The following REDIC1 variants were observed in gnomAD, a reference collection of about 807,000 sequenced individuals.
The protein encoded by REDIC1 is regulator of DNA class I crossover intermediates 1.
chr12:39,647,904 C>T, the REDIC1 span: 1 of 1,607,022 alleles, frequency 6.2e-7, no homozygotes, highest in Non-Finnish European at 8.5e-7. Flanking sequence ...AGACATATTT[C>T]AAAACTAAAT....
chr12:39,681,869 A>G, the REDIC1 span, among the ~76,000 whole-genome samples: 4 of 152,118 alleles, frequency 2.6e-5, no homozygotes, highest in Admixed American at 2.6e-4. Context: ...AATTTTTTTG[A>G]TAACTCCAAC....
At chr12:39,663,229 G>A in the REDIC1 span, among the ~76,000 whole-genome samples, 2 of 151,880 alleles carry the variant, frequency 1.3e-5, no homozygotes, top group Admixed American at 6.6e-5. Flanking sequence ...AACTCTTATT[G>A]TATTGGTGTC....
At chr12:39,900,692 T>C in the REDIC1 span, among the ~76,000 whole-genome samples, 3 of 151,972 alleles carry the variant, frequency 2.0e-5, no homozygotes, top group East Asian at 5.8e-4. Context: ...TAAAAGAGGA[T>C]ACAAACAAAT....
chr12:39,727,178 G>A, the REDIC1 span, among the ~76,000 whole-genome samples: 13 of 152,090 alleles, frequency 8.5e-5, no homozygotes, highest in Non-Finnish European at 1.5e-4. Flanking sequence ...GTCAATTTTG[G>A]CTTTTGTTGT....
chr12:39,796,460 A>C, the REDIC1 span, among the ~76,000 whole-genome samples: 1 of 151,892 alleles, frequency 6.6e-6, no homozygotes, highest in Middle Eastern at 3.2e-3. Flanking sequence ...CAAACAAAAA[A>C]AGAAATGAGG....
the REDIC1 span, among the ~76,000 whole-genome samples, chr12:39,694,017 G>T: frequency 6.6e-6 from 1 of 152,192 alleles, no homozygotes; most frequent in African/African-American, 2.4e-5. Context: ...ATAGATAGAA[G>T]TTTTAGTTTG....
chr12:39,721,138 C>G, the REDIC1 span: 1 of 1,613,634 alleles, frequency 6.2e-7, no homozygotes, highest in Non-Finnish European at 8.5e-7. Context: ...ACAGTGTGAT[C>G]TAATTTCAAA....
chr12:39,660,098 A>G, the REDIC1 span, among the ~76,000 whole-genome samples: 1 of 152,102 alleles, frequency 6.6e-6, no homozygotes, highest in South Asian at 2.1e-4. Flanking sequence ...CCCCCTAGTG[A>G]GCTCCTGAGA....
the REDIC1 span, among the ~76,000 whole-genome samples, chr12:39,684,474 AAATT>A: frequency 6.6e-6 from 1 of 152,228 alleles, no homozygotes; most frequent in Non-Finnish European, 1.5e-5. Context: ...TTGGCACTAC[AAATT>A]AATTAAAACA....
chr12:39,643,298 C>G, the REDIC1 span, among the ~76,000 whole-genome samples: 1 of 151,386 alleles, frequency 6.6e-6, no homozygotes, highest in Non-Finnish European at 1.5e-5. Context: ...GGAGGGATAA[C>G]AAATAAACGA....
chr12:39,721,249 T>C, the REDIC1 span: 12 of 1,608,442 alleles, frequency 7.5e-6, no homozygotes, highest in Non-Finnish European at 6.8e-6. Context: ...TAAGAACAAC[T>C]AATATTCTAA....
At chr12:39,718,128 G>A in the REDIC1 span, among the ~76,000 whole-genome samples, 1 of 151,880 alleles carries the variant, frequency 6.6e-6, no homozygotes. Context: ...TAACAGTAAT[G>A]GCATGTTCAA....
chr12:39,863,447 T>C, the REDIC1 span, among the ~76,000 whole-genome samples: 2 of 152,202 alleles, frequency 1.3e-5, no homozygotes, highest in African/African-American at 4.8e-5. Context: ...ACAGTATTTC[T>C]GAACAATACA....
At chr12:39,713,448 G>A in the REDIC1 span, among the ~76,000 whole-genome samples, 1 of 140,580 alleles carries the variant, frequency 7.1e-6, no homozygotes, top group Non-Finnish European at 1.6e-5. Flanking sequence ...ATATACATAT[G>A]TATACATACA....
chr12:39,722,089 A>C, the REDIC1 span, among the ~76,000 whole-genome samples: 5 of 152,128 alleles, frequency 3.3e-5, no homozygotes, highest in African/African-American at 1.2e-4. Flanking sequence ...GCATTCTAGT[A>C]TCTAACTGAA....
chr12:39,857,147 G>A, the REDIC1 span, among the ~76,000 whole-genome samples: 1 of 152,068 alleles, frequency 6.6e-6, no homozygotes, highest in East Asian at 1.9e-4. Context: ...CCTTTATCTT[G>A]TTCTGTTATT....
the REDIC1 span, among the ~76,000 whole-genome samples, chr12:39,876,905 C>T: frequency 6.6e-6 from 1 of 152,118 alleles, no homozygotes; most frequent in African/African-American, 2.4e-5. Flanking sequence ...GGACAAGTTA[C>T]ATGAGAAAGT....
the REDIC1 span, among the ~76,000 whole-genome samples, chr12:39,866,826 T>C: frequency 6.6e-6 from 1 of 152,192 alleles, no homozygotes; most frequent in African/African-American, 2.4e-5. Flanking sequence ...GCTATGATTA[T>C]TATTACAAGC....
the REDIC1 span, among the ~76,000 whole-genome samples, chr12:39,872,761 A>G: frequency 2.6e-5 from 4 of 152,324 alleles, no homozygotes; most frequent in Admixed American, 1.3e-4. Context: ...TTTAAAGTTA[A>G]CCTGAAAACA....
Sources: allele counts gnomAD v4.1 joint callset (sites outside exome capture counted in the v4.1 genomes callset), GRCh38; gene constraint gnomAD v4.1.1; transcripts MANE v1.5; gene names NCBI Gene and HGNC (gene_info 2026-07-23, HGNC 2026-07-21).